The following TFDP2 variants were observed in gnomAD, a reference collection of about 807,000 sequenced individuals.
TFDP2 encodes transcription factor Dp-2 (E2F dimerization partner 2).
In TFDP2, 17 loss-of-function variants were observed where a neutral mutation model predicts 59.3. The ratio of observed to expected loss-of-function variants is 0.29; its 90% CI spans 0.20 to 0.43. The LOEUF (loss-of-function observed/expected upper bound fraction) is 0.43. TFDP2 is among the 20% of genes least tolerant of loss of function. The pLI is 1.00. For synonymous variants in TFDP2, 180 were observed against 194.7 expected (o/e 0.92, Z 0.63); for missense variants, 391 against 528.8 (o/e 0.74, Z 2.56).
chr3:142,043,501 T>A lies in TFDP2; in HGVS notation c.83-37957A>T, dbSNP rs528108544. On this transcript the variant is annotated intron_variant, in intron 3 of 12. Transcript: ENST00000489671. The stretch of plus-strand genomic sequence containing the variant: ...GCCTCAGCCTCCCAAGTAGCTGGGA[T>A]TACAGGCGCATGCCACCACACTCGG... The A allele has an allele frequency of 1.9e-4, 92 of 475,384 alleles. 3 individuals are homozygous for A. Among genetic ancestry groups the A allele is most frequent in the South Asian group, 1.9e-3 (90 of 47,080 alleles). The allele number at this position is 475,384 out of a possible 1,614,324, so 29.4% of individuals were successfully genotyped here.
intron 3 of TFDP2, among the ~76,000 whole-genome samples, chr3:142,065,760 G>A (rs1278878210): frequency 6.6e-6 from 1 of 151,912 alleles, no homozygotes; most frequent in Non-Finnish European, 1.5e-5. Flanking sequence ...TGATCTGCCT[G>A]CCTCGGCCTC....
chr3:142,110,007 C>T (rs1207761689), intron 1 of TFDP2, among the ~76,000 whole-genome samples: 1 of 152,090 alleles, frequency 6.6e-6, no homozygotes, highest in African/African-American at 2.4e-5. Flanking sequence ...CCTACTCAGT[C>T]GTTGGGACTA....
In TFDP2 at chr3:141,993,485, A is replaced by G. The variant is rs1942985146; in HGVS notation, c.356+53T>C. On this transcript the variant is annotated intron_variant, in intron 6 of 12. Transcript: ENST00000489671. ...AAACCAGAGCAGTGGCAATGCCAAC[A>G]GCCTCTCTATATAGCCAAATCTTCC... 4.2e-6 allele frequency: 5 copies of G among 1,194,862 alleles called. No individual in the cohort carries two copies. The South Asian group carries it at 5.7e-5, about 14-fold the overall frequency. The allele number at this position is 1,194,862 out of a possible 1,614,324, so 74.0% of individuals were successfully genotyped here.
intron 1 of TFDP2, among the ~76,000 whole-genome samples, chr3:142,116,979 T>C (rs953840124): frequency 6.6e-6 from 1 of 152,040 alleles, no homozygotes; most frequent in Admixed American, 6.6e-5. Context: ...TGGAGTGCGA[T>C]GGTGTGATCT....
intron 1 of TFDP2, among the ~76,000 whole-genome samples, chr3:142,139,736 G>A (rs929330129): frequency 9.2e-5 from 14 of 152,200 alleles, no homozygotes; most frequent in African/African-American, 2.2e-4. Context: ...CGAGAGATCC[G>A]CTGTTAGTCT....
At chr3:142,032,966 C>A (rs1051388961) in intron 3 of TFDP2, among the ~76,000 whole-genome samples, 1 of 152,096 alleles carries the variant, frequency 6.6e-6, no homozygotes, top group African/African-American at 2.4e-5. Context: ...GAGGCTGTGG[C>A]GGGTGGATCA....
chr3:141,974,321 G>A, intron 7 of TFDP2, 130 bp from the exon 8 acceptor site: 5 of 695,692 alleles, frequency 7.2e-6, no homozygotes, highest in South Asian at 5.2e-5. Flanking sequence ...TTAGCCAACT[G>A]ACAAAAACAT....
chr3:141,949,426 T>C lies in TFDP2; in HGVS notation c.*3087A>G, dbSNP rs1296293152. 2.6e-5 allele frequency: 4 copies of C among 152,268 alleles called. No individual in the cohort carries two copies. Among genetic ancestry groups the C allele is most frequent in the Non-Finnish European group, 4.4e-5 (3 of 68,124 alleles). 9.4% of individuals were successfully genotyped at this position (152,268 alleles called of 1,614,324 possible). On this transcript the variant is annotated 3_prime_UTR_variant, in exon 13 of 13. Coordinates refer to ENST00000489671, the MANE Select transcript of TFDP2 (RefSeq NM_001178139.2). ...CACCTTGATCATAAGGCACAAGGTA[T>C]ACAAACACCACAACTGCTCTCACCA...
At chr3:142,065,766 G>C (rs938147869) in intron 3 of TFDP2, among the ~76,000 whole-genome samples, 3 of 151,974 alleles carry the variant, frequency 2.0e-5, no homozygotes, top group Non-Finnish European at 4.4e-5. Context: ...GCCTGCCTCG[G>C]CCTCTCAAAG....
At chr3:142,127,068 A>G (rs950596631) in intron 1 of TFDP2, among the ~76,000 whole-genome samples, 7 of 149,494 alleles carry the variant, frequency 4.7e-5, no homozygotes, top group African/African-American at 1.7e-4. Flanking sequence ...TGTAATGTAT[A>G]TGTAATTAGA....
At chr3:142,078,445 ACT>A (rs1560120017) in intron 3 of TFDP2, among the ~76,000 whole-genome samples, 1 of 152,134 alleles carries the variant, frequency 6.6e-6, no homozygotes, top group Non-Finnish European at 1.5e-5. Flanking sequence ...AGACAGAGAC[ACT>A]CTGTTTGGGA....
chr3:142,018,396 G>A (rs1945311143), intron 3 of TFDP2, among the ~76,000 whole-genome samples: 1 of 152,094 alleles, frequency 6.6e-6, no homozygotes, highest in South Asian at 2.1e-4. Context: ...TATCAACTGT[G>A]TATTTCTCCC....
Position 142,101,467 on chromosome 3 carries a change from G to A in TFDP2, c.15+268C>T, listed in dbSNP as rs375097487. ...TTATTACAATATCCAAAAGAGGAGG[G>A]CAGGGTGGGAAACCTTCTGGAGATA... On this transcript the variant is annotated intron_variant, in intron 2 of 12. Coordinates refer to ENST00000489671, the MANE Select transcript of TFDP2 (RefSeq NM_001178139.2). Among the ~76,000 whole-genome samples the A allele has an allele frequency of 3.9e-5, 6 of 152,226 alleles. No individual in the cohort carries two copies. The East Asian group carries it at 7.7e-4, about 20-fold the overall frequency.
intron 11 of TFDP2, among the ~76,000 whole-genome samples, chr3:141,956,317 C>T (rs146544582): frequency 4.6e-5 from 7 of 152,156 alleles, no homozygotes; most frequent in Middle Eastern, 3.4e-3. Context: ...TGTGGGAGGC[C>T]GAAGCGGGTG....
At chr3:142,090,601 C>T (rs1576956361) in intron 3 of TFDP2, among the ~76,000 whole-genome samples, 1 of 148,426 alleles carries the variant, frequency 6.7e-6, no homozygotes, top group East Asian at 2.0e-4. Flanking sequence ...CATTCTGTTG[C>T]CCAGGCTGGA....
At chr3:141,976,826 T>G (rs1364047016) in intron 7 of TFDP2, among the ~76,000 whole-genome samples, 1 of 146,096 alleles carries the variant, frequency 6.8e-6, no homozygotes, top group African/African-American at 2.5e-5. Flanking sequence ...AAAAAGAAAA[T>G]CACATATAAT....
intron 3 of TFDP2, among the ~76,000 whole-genome samples, chr3:142,071,447 C>T (rs1347700572): frequency 2.0e-5 from 3 of 152,088 alleles, no homozygotes; most frequent in South Asian, 2.1e-4. Context: ...CGTGAGCCAC[C>T]GCACCCGGCC....
At chr3:142,076,014 C>A (rs1166807125) in intron 3 of TFDP2, among the ~76,000 whole-genome samples, 1 of 151,276 alleles carries the variant, frequency 6.6e-6, no homozygotes, top group Admixed American at 6.6e-5. Context: ...AGTTTGAGAC[C>A]AGCCTGGCCA....
intron 3 of TFDP2, among the ~76,000 whole-genome samples, chr3:142,011,803 G>A (rs977826345): frequency 2.6e-5 from 4 of 152,008 alleles, no homozygotes; most frequent in African/African-American, 9.7e-5. Context: ...CTAAGGCTAA[G>A]CATTAGGATA....
Sources: allele counts gnomAD v4.1 joint callset (sites outside exome capture counted in the v4.1 genomes callset), GRCh38; gene constraint gnomAD v4.1.1; transcripts MANE v1.5; gene names NCBI Gene and HGNC (gene_info 2026-07-23, HGNC 2026-07-21).